The following XKR9 variants were observed in gnomAD, a reference collection of about 807,000 sequenced individuals.
XKR9 encodes the protein XK related 9, also known as XK-related protein 9.
In XKR9, 32 loss-of-function variants were observed where a neutral mutation model predicts 32.0. That is an observed-to-expected ratio of 1.00 (90% confidence interval 0.76 to 1.34). The LOEUF is 1.34. XKR9 is among the 40% of genes most tolerant of loss of function. The probability of loss-of-function intolerance (pLI) is 0.00; values close to 1 mark genes in which losing one functional copy is unlikely to be tolerated. For missense variants in XKR9, 546 were observed against 429.7 expected (o/e 1.27, Z -2.39); for synonymous variants, 168 against 143.4 (o/e 1.17, Z -1.22).
the XKR9 span, among the ~76,000 whole-genome samples, chr8:70,958,004 TC>T: frequency 6.6e-6 from 1 of 152,004 alleles, no homozygotes; most frequent in Non-Finnish European, 1.5e-5. Flanking sequence ...GCCAGGCTGG[TC>T]TTAAACTCTC....
chr8:71,018,738 T>C, the XKR9 span, among the ~76,000 whole-genome samples: 2 of 152,132 alleles, frequency 1.3e-5, no homozygotes, highest in Admixed American at 6.5e-5. Flanking sequence ...TGTTAGACAG[T>C]AGGGTAAGAA....
the XKR9 span, among the ~76,000 whole-genome samples, chr8:71,016,273 T>C: frequency 2.6e-5 from 4 of 152,176 alleles, no homozygotes; most frequent in Non-Finnish European, 5.9e-5. Context: ...AACTGAGCTG[T>C]TTTTATATTT....
At chr8:70,919,938 T>A in the XKR9 span, among the ~76,000 whole-genome samples, 12,753 of 152,302 alleles carry the variant, frequency 0.084, 612 homozygotes, top group African/African-American at 0.097. Flanking sequence ...TACACAGATA[T>A]TAAGTTTTAT....
chr8:70,844,561 C>A, the XKR9 span, among the ~76,000 whole-genome samples: 1 of 152,192 alleles, frequency 6.6e-6, no homozygotes, highest in Non-Finnish European at 1.5e-5. Flanking sequence ...TTGCCCTGCT[C>A]ACTACAGCCT....
intron 2 of XKR9, among the ~76,000 whole-genome samples, chr8:70,776,947 C>CTCTATATATATATA: frequency 0.01 from 559 of 54,190 alleles, 8 homozygotes; most frequent in African/African-American, 0.017. Context: ...CTCTCTCTCT[C>CTCTATATATATATA]TATATATATA....
chr8:71,029,132 C>T, the XKR9 span, among the ~76,000 whole-genome samples: 1 of 152,008 alleles, frequency 6.6e-6, no homozygotes, highest in East Asian at 1.9e-4. Context: ...CCAGGAGCTA[C>T]CTTGAGATGT....
chr8:70,920,121 G>T, the XKR9 span, among the ~76,000 whole-genome samples: 1 of 151,924 alleles, frequency 6.6e-6, no homozygotes, highest in Non-Finnish European at 1.5e-5. Context: ...GTTTTAAAGA[G>T]AATCAATATA....
At chr8:70,710,585 C>A (rs923713495) in intron 4 of XKR9, among the ~76,000 whole-genome samples, 1 of 152,108 alleles carries the variant, frequency 6.6e-6, no homozygotes, top group African/African-American at 2.4e-5. Context: ...TGCCTGTAAT[C>A]CTAGCTATTC....
At chr8:70,769,191 T>A (rs1807419395) in intron 2 of XKR9, among the ~76,000 whole-genome samples, 1 of 152,112 alleles carries the variant, frequency 6.6e-6, no homozygotes, top group Admixed American at 6.6e-5. Flanking sequence ...CTTCTGAAGC[T>A]TATTTTGGCT....
At chr8:70,753,000 C>G (rs1807164186) in intron 2 of XKR9, among the ~76,000 whole-genome samples, 1 of 152,180 alleles carries the variant, frequency 6.6e-6, no homozygotes, top group African/African-American at 2.4e-5. Flanking sequence ...AAAGGATCAA[C>G]AAAATTGATA....
the XKR9 span, among the ~76,000 whole-genome samples, chr8:70,932,928 A>G: frequency 6.6e-6 from 1 of 152,120 alleles, no homozygotes; most frequent in African/African-American, 2.4e-5. Flanking sequence ...AAGGCTGTGA[A>G]CGGACCCTAG....
chr8:70,851,818 A>C, the XKR9 span, among the ~76,000 whole-genome samples: 2 of 152,182 alleles, frequency 1.3e-5, no homozygotes, highest in South Asian at 4.1e-4. Context: ...AAGACCTAAA[A>C]CCATAAACAC....
chr8:70,700,297 C>T (rs1266381071), intron 3 of XKR9, among the ~76,000 whole-genome samples: 1 of 151,884 alleles, frequency 6.6e-6, no homozygotes, highest in Non-Finnish European at 1.5e-5. Flanking sequence ...TCTGTTTTTT[C>T]CCCCTCTTTG....
At chr8:70,812,480 G>C in the XKR9 span, among the ~76,000 whole-genome samples, 4 of 152,222 alleles carry the variant, frequency 2.6e-5, no homozygotes, top group Non-Finnish European at 5.9e-5. Context: ...GATATTCAAT[G>C]AGGAAAAGAG....
At chr8:70,979,060 T>C in the XKR9 span, among the ~76,000 whole-genome samples, 22 of 152,214 alleles carry the variant, frequency 1.4e-4, no homozygotes, top group Admixed American at 1.4e-3. Context: ...ATCGCGTAGT[T>C]CTCATGCCAT....
At chr8:70,906,896 A>G in the XKR9 span, among the ~76,000 whole-genome samples, 25 of 152,168 alleles carry the variant, frequency 1.6e-4, no homozygotes, top group Admixed American at 3.3e-4. Context: ...CTTTATATAT[A>G]GTAACATTCA....
chr8:70,689,499 T>TTA (rs201253148), intron 3 of XKR9, among the ~76,000 whole-genome samples: 3 of 148,374 alleles, frequency 2.0e-5, no homozygotes, highest in African/African-American at 4.9e-5. Flanking sequence ...TATATATGTA[T>TTA]TATATATATA....
chr8:70,718,371 G>C (rs1401697852), intron 4 of XKR9, among the ~76,000 whole-genome samples: 1 of 151,866 alleles, frequency 6.6e-6, no homozygotes, highest in Non-Finnish European at 1.5e-5. Flanking sequence ...TTGTTACATA[G>C]GTATACATGT....
At chr8:70,990,794 T>C in the XKR9 span, among the ~76,000 whole-genome samples, 1 of 151,736 alleles carries the variant, frequency 6.6e-6, no homozygotes, top group African/African-American at 2.4e-5. Context: ...AGAACAAGCA[T>C]GTGTATTTCA....
Sources: gnomAD v4.1 joint callset for allele counts (sites outside exome capture counted in the v4.1 genomes callset) on GRCh38, gnomAD v4.1.1 for gene constraint, MANE v1.5 for transcripts, NCBI Gene and HGNC (gene_info 2026-07-23, HGNC 2026-07-21) for gene names.